Variants in SHISAL1 observed in about 807,000 individuals in gnomAD.
SHISAL1 encodes protein shisa-like-1.
Under a neutral mutation model 22.6 loss-of-function variants are expected in SHISAL1, and 9 were observed. The ratio of observed to expected loss-of-function variants is 0.40; its 90% CI spans 0.24 to 0.70. The LOEUF (loss-of-function observed/expected upper bound fraction) is 0.70, where lower values mean the gene tolerates loss of function less well. Ranked by LOEUF, SHISAL1 falls within the 30% of genes least tolerant of loss-of-function variation. The pLI, the probability that SHISAL1 is intolerant of heterozygous loss-of-function variation, is 0.39. For synonymous variants in SHISAL1, 119 were observed against 115.4 expected (o/e 1.03, Z -0.20); for missense variants, 246 against 270.6 (o/e 0.91, Z 0.64).
At chr22:44,284,339 A>T (rs1378700464) in intron 4 of SHISAL1, among the ~76,000 whole-genome samples, 4 of 152,078 alleles carry the variant, frequency 2.6e-5, no homozygotes, top group African/African-American at 9.6e-5. Flanking sequence ...CTTCACGAGG[A>T]TCGGAAGGTT....
chr22:44,281,808 G>A (rs1569216639), intron 4 of SHISAL1, among the ~76,000 whole-genome samples: 1 of 152,268 alleles, frequency 6.6e-6, no homozygotes, highest in Admixed American at 6.5e-5. Flanking sequence ...GGAAAGCCCC[G>A]CTTCTCCGTG....
chr22:44,267,701 T>G (rs1162308779), intron 4 of SHISAL1, among the ~76,000 whole-genome samples: 1 of 152,136 alleles, frequency 6.6e-6, no homozygotes, highest in Non-Finnish European at 1.5e-5. Flanking sequence ...TCCCCCACAC[T>G]CATGCCACCT....
the SHISAL1 span, among the ~76,000 whole-genome samples, chr22:44,322,129 G>A: frequency 6.6e-6 from 1 of 152,210 alleles, no homozygotes; most frequent in Non-Finnish European, 1.5e-5. Flanking sequence ...GCAACATAGT[G>A]GCTGCGTGCC....
At chr22:44,318,159 G>T in the SHISAL1 span, among the ~76,000 whole-genome samples, 2 of 152,268 alleles carry the variant, frequency 1.3e-5, no homozygotes, top group African/African-American at 2.4e-5. Context: ...AGTCCTCTCT[G>T]CAGGCCCGAT....
At chr22:44,252,913 C>T (rs1401307244) in intron 4 of SHISAL1, among the ~76,000 whole-genome samples, 9 of 151,868 alleles carry the variant, frequency 5.9e-5, no homozygotes, top group African/African-American at 1.7e-4. Flanking sequence ...GAGAATCGCT[C>T]AAACCCCGGG....
At chr22:44,274,713 CATT>C (rs1410080455) in intron 4 of SHISAL1, among the ~76,000 whole-genome samples, 1 of 152,184 alleles carries the variant, frequency 6.6e-6, no homozygotes, top group Non-Finnish European at 1.5e-5. Flanking sequence ...GGCACATCAT[CATT>C]AGAGACACAC....
chr22:44,297,290 A>G (rs1379011729), intron 2 of SHISAL1, among the ~76,000 whole-genome samples: 1 of 152,192 alleles, frequency 6.6e-6, no homozygotes. Context: ...ACCTAAGGTG[A>G]CTTGCCCGAG....
rs149744098 is a variant in SHISAL1 at position 44,251,201 on chromosome 22, G to A, written c.*-1516C>T. 9.2e-4 allele frequency among the ~76,000 whole-genome samples: 140 copies of A among 152,278 alleles called. 2 individuals are homozygous for A. In the South Asian group the frequency reaches 0.012, roughly 13 times the overall value. ...AAGGTGATTGTGTGTTTTACACATCGCTGCATTGCCAGGGCCTAGAACAGT... is the reference window on the plus strand; with the variant it reads ...AAGGTGATTGTGTGTTTTACACATCACTGCATTGCCAGGGCCTAGAACAGT... On this transcript the variant is annotated intron_variant, in intron 4 of 4. Coordinates refer to ENST00000381176, the MANE Select transcript of SHISAL1 (RefSeq NM_001099294.2).
At chr22:44,272,094 G>A (rs2147281253) in intron 4 of SHISAL1, among the ~76,000 whole-genome samples, 1 of 152,330 alleles carries the variant, frequency 6.6e-6, no homozygotes, top group Middle Eastern at 3.4e-3. Context: ...TGAGGAGGGG[G>A]CTTCTATAAG....
At chr22:44,282,584 G>T (rs1191263537) in intron 4 of SHISAL1, among the ~76,000 whole-genome samples, 1 of 152,234 alleles carries the variant, frequency 6.6e-6, no homozygotes, top group Non-Finnish European at 1.5e-5. Context: ...GGAGAAGCTG[G>T]ATTCATTCGC....
At position 44,251,899 on chromosome 22, in the gene SHISAL1, C is replaced by T. The variant is rs552967641; in HGVS notation, c.*-2214G>A. ...GAGAAGGTACTTATTGCCCCTGAAC[C>T]GTATACTTAAAAATGGTTAAAATGG... is the stretch of plus-strand genomic sequence containing the variant. On this transcript the variant is annotated intron_variant, in intron 4 of 4. Transcript: ENST00000381176. 1.4e-4 allele frequency among the ~76,000 whole-genome samples: 21 copies of T among 152,066 alleles called. No homozygotes were observed. The East Asian group carries it at 2.5e-3, about 18-fold the overall frequency.
At chr22:44,317,378 G>A (rs1220889939), upstream of SHISAL1, among the ~76,000 whole-genome samples, 1 of 152,222 alleles carries the variant, frequency 6.6e-6, no homozygotes, top group Non-Finnish European at 1.5e-5. Flanking sequence ...TGGCGGCAAT[G>A]GCTGGACAGC....
chr22:44,249,947 CA>C lies in SHISAL1; in HGVS notation c.*-263del, dbSNP rs373549453. Reference sequence around the variant, plus strand: ...TAGAATAGGACTGGAATAGAAGAACCAAAATTACAGTTAATTGTGGATAACT... The same window carrying C: ...TAGAATAGGACTGGAATAGAAGAACCAAATTACAGTTAATTGTGGATAACT... On this transcript the variant is annotated intron_variant, in intron 4 of 4. Transcript: ENST00000381176. 8.5e-4 allele frequency among the ~76,000 whole-genome samples: 129 copies of C among 152,174 alleles called. 4 individuals carry two copies. In the East Asian group the frequency reaches 0.019, roughly 23 times the overall value.
At chr22:44,327,262 AC>A in the SHISAL1 span, among the ~76,000 whole-genome samples, 1 of 151,682 alleles carries the variant, frequency 6.6e-6, no homozygotes, top group Non-Finnish European at 1.5e-5. Context: ...ACACACACAC[AC>A]ACACACACAC....
At chr22:44,262,736 G>A (rs374080542) in intron 4 of SHISAL1, among the ~76,000 whole-genome samples, 48 of 152,338 alleles carry the variant, frequency 3.2e-4, no homozygotes, top group African/African-American at 1.0e-3. Context: ...TGGCCCTGGC[G>A]AGAGAGGAGC....
chr22:44,267,122 C>T (rs2055169728), intron 4 of SHISAL1, among the ~76,000 whole-genome samples: 1 of 152,078 alleles, frequency 6.6e-6, no homozygotes, highest in Non-Finnish European at 1.5e-5. Context: ...GAGCGACAGG[C>T]AGAGGGCAGG....
At chr22:44,263,278 C>T (rs1438533072) in intron 4 of SHISAL1, among the ~76,000 whole-genome samples, 2 of 151,976 alleles carry the variant, frequency 1.3e-5, no homozygotes, top group Non-Finnish European at 2.9e-5. Context: ...GCCATGTTGG[C>T]TAGGCTGGTC....
chr22:44,254,331 A>G (rs2055069937), intron 4 of SHISAL1, among the ~76,000 whole-genome samples: 1 of 152,210 alleles, frequency 6.6e-6, no homozygotes. Flanking sequence ...GGAACTCATA[A>G]ATAACTCCAT....
intron 4 of SHISAL1, among the ~76,000 whole-genome samples, chr22:44,284,271 T>G (rs1219169114): frequency 6.6e-6 from 1 of 152,090 alleles, no homozygotes; most frequent in Non-Finnish European, 1.5e-5. Flanking sequence ...GAGGACCTAC[T>G]ATGTGCCAGG....
Sources: gnomAD v4.1 joint callset for allele counts (sites outside exome capture counted in the v4.1 genomes callset) on GRCh38, gnomAD v4.1.1 for gene constraint, MANE v1.5 for transcripts, NCBI Gene and HGNC (gene_info 2026-07-23, HGNC 2026-07-21) for gene names.